Variants in NRG1 observed in about 807,000 individuals in gnomAD.
NRG1 encodes the protein pro-neuregulin-1, membrane-bound isoform.
Under a neutral mutation model 63.8 loss-of-function variants are expected in NRG1, and 18 were observed. The ratio of observed to expected loss-of-function variants is 0.28; its 90% confidence interval spans 0.19 to 0.42. The LOEUF is 0.42. Ranked by LOEUF, NRG1 falls within the 10% of genes least tolerant of loss-of-function variation. NRG1 has a pLI of 1.00. For synonymous variants in NRG1, 302 were observed against 301.3 expected (o/e 1.00, Z -0.02); for missense variants, 762 against 814.7 (o/e 0.94, Z 0.79).
intron 1 of NRG1, among the ~76,000 whole-genome samples, chr8:31,675,427 G>T (rs560354277): frequency 1.7e-4 from 26 of 152,260 alleles, no homozygotes; most frequent in Non-Finnish European, 1.2e-4. Context: ...CTTTACTGAG[G>T]GCTGATATAC....
intron 1 of NRG1, among the ~76,000 whole-genome samples, chr8:31,700,270 G>A (rs2131184306): frequency 6.6e-6 from 1 of 152,144 alleles, no homozygotes; most frequent in South Asian, 2.1e-4. Flanking sequence ...TGAAGTGGAG[G>A]GGAATCCTGA....
chr8:31,776,746 C>T (rs376175760), intron 1 of NRG1, among the ~76,000 whole-genome samples: 31 of 152,086 alleles, frequency 2.0e-4, no homozygotes, highest in African/African-American at 5.8e-4. Context: ...TGTCCATGTG[C>T]TCTCATTGTT....
chr8:32,178,020 G>C lies in NRG1; in HGVS notation c.38-417808G>C, dbSNP rs375065001. The stretch of plus-strand genomic sequence containing the variant: ...CTGGAATTGTAATCTGAAGAATGAG[G>C]GTTATTCATCAGGAAAAGAGGGCAA... On this transcript the variant is annotated intron_variant, in intron 1 of 10. Coordinates refer to the NRG1 transcript ENST00000519301. Among the ~76,000 whole-genome samples the C allele has an allele frequency of 2.6e-5, 4 of 151,920 alleles. No individual in the cohort carries two copies. The East Asian group carries it at 7.7e-4, about 29-fold the overall frequency.
intron 1 of NRG1, among the ~76,000 whole-genome samples, chr8:32,426,101 T>C (rs1817332958): frequency 6.6e-6 from 1 of 152,194 alleles, no homozygotes; most frequent in Non-Finnish European, 1.5e-5. Context: ...ATTGGTCCCA[T>C]ATTGAGAAAG....
At position 32,548,378 on chromosome 8, in the gene NRG1, G is replaced by A. The variant is rs774238307; in HGVS notation, c.-349G>A. ...AGCGGCGGCGGCTGCCGGACGATGG[G>A]AGCGTGAGCAGGACGGTGATAACCT... On this transcript the variant is annotated 5_prime_UTR_variant, in exon 1 of 12. Coordinates refer to ENST00000356819, the Ensembl canonical transcript of NRG1. The A allele has an allele frequency of 1.0e-3, 1,076 of 1,040,840 alleles. 3 individuals are homozygous for A. The highest frequency in any genetic ancestry group is 1.2e-3 in the Non-Finnish European group (1,023 of 866,346). 64.5% of individuals were successfully genotyped at this position (1,040,840 alleles called of 1,614,324 possible). A position where few individuals can be genotyped will look rare whatever the true frequency, so the allele number is the denominator to read the frequency against.
chr8:31,773,727 A>T (rs1818850859), intron 1 of NRG1, among the ~76,000 whole-genome samples: 1 of 152,160 alleles, frequency 6.6e-6, no homozygotes, highest in Non-Finnish European at 1.5e-5. Flanking sequence ...TCCATATATA[A>T]GTCCTTCCTA....
intron 1 of NRG1, among the ~76,000 whole-genome samples, chr8:32,431,690 C>T (rs753474702): frequency 6.6e-6 from 1 of 151,808 alleles, no homozygotes; most frequent in East Asian, 1.9e-4. Context: ...AATATTTTAA[C>T]GATGATTTAA....
At chr8:32,609,738 G>T (rs1156790331) in intron 3 of NRG1, among the ~76,000 whole-genome samples, 1 of 146,014 alleles carries the variant, frequency 6.8e-6, no homozygotes, top group Non-Finnish European at 1.5e-5. Context: ...CTCGGCCACT[G>T]CACTGGATTC....
At chr8:31,964,354 G>C (rs1805970269) in intron 1 of NRG1, among the ~76,000 whole-genome samples, 1 of 152,190 alleles carries the variant, frequency 6.6e-6, no homozygotes, top group Admixed American at 6.5e-5. Context: ...AAGCAAGCTG[G>C]CAATATCAGA....
At chr8:32,223,468 G>C (rs1327219189) in intron 1 of NRG1, among the ~76,000 whole-genome samples, 1 of 152,080 alleles carries the variant, frequency 6.6e-6, no homozygotes, top group East Asian at 1.9e-4. Context: ...CTATGACCTT[G>C]GGTAAGTCAT....
intron 1 of NRG1, among the ~76,000 whole-genome samples, chr8:31,893,890 A>G (rs78885437): frequency 0.012 from 1,853 of 152,176 alleles, 44 homozygotes; most frequent in African/African-American, 0.043. Flanking sequence ...ACTTTATTTC[A>G]ATGTTATTTA....
intron 1 of NRG1, among the ~76,000 whole-genome samples, chr8:31,984,542 A>G (rs1165417551): frequency 6.6e-6 from 1 of 152,088 alleles, no homozygotes; most frequent in Non-Finnish European, 1.5e-5. Context: ...GAAATGAGGA[A>G]CTGCTAGGTT....
At chr8:32,263,779 T>C (rs576594156) in intron 1 of NRG1, among the ~76,000 whole-genome samples, 1 of 152,302 alleles carries the variant, frequency 6.6e-6, no homozygotes, top group Non-Finnish European at 1.5e-5. Context: ...CCAGCAGCTG[T>C]TTCTTAATTC....
chr8:32,106,919 G>C lies in NRG1; in HGVS notation c.37+467488G>C, dbSNP rs1831341141. ...TCTTATTAAAATTTAGTTACATGTT[G>C]TGTTTAAAATGCTAAAGTTTTGGCC... On this transcript the variant is annotated intron_variant, in intron 1 of 10. Coordinates refer to the NRG1 transcript ENST00000519301. 6.6e-5 allele frequency among the ~76,000 whole-genome samples: 10 copies of C among 152,242 alleles called. No individual in the cohort carries two copies. In the South Asian group the frequency reaches 2.1e-3, roughly 32 times the overall value.
intron 1 of NRG1, among the ~76,000 whole-genome samples, chr8:31,652,708 A>G (rs908155278): frequency 6.6e-6 from 1 of 152,224 alleles, no homozygotes; most frequent in Admixed American, 6.5e-5. Flanking sequence ...ATAACACTGG[A>G]TAGCCCTATA....
chr8:31,748,200 T>G (rs1032410677), intron 1 of NRG1, among the ~76,000 whole-genome samples: 2 of 152,002 alleles, frequency 1.3e-5, no homozygotes, highest in Admixed American at 1.3e-4. Context: ...AGATGAAATG[T>G]TTTTCTCCAA....
chr8:32,102,723 G>A (rs1272591131), intron 1 of NRG1, among the ~76,000 whole-genome samples: 1 of 152,118 alleles, frequency 6.6e-6, no homozygotes, highest in Non-Finnish European at 1.5e-5. Flanking sequence ...ACAGGACCTG[G>A]ATTCAAGCCC....
chr8:32,517,985 G>T (rs976392244), intron 1 of NRG1, among the ~76,000 whole-genome samples: 1 of 152,058 alleles, frequency 6.6e-6, no homozygotes, highest in Non-Finnish European at 1.5e-5. Flanking sequence ...GGAAAATGGG[G>T]CTCAGAGCAG....
chr8:32,306,591 A>G (rs1856209893), intron 1 of NRG1, among the ~76,000 whole-genome samples: 1 of 152,182 alleles, frequency 6.6e-6, no homozygotes, highest in Non-Finnish European at 1.5e-5. Context: ...TATGACTGCA[A>G]ATACATTATA....
Sources: gnomAD v4.1 joint callset for allele counts (sites outside exome capture counted in the v4.1 genomes callset) on GRCh38, gnomAD v4.1.1 for gene constraint, MANE v1.5 for transcripts, NCBI Gene and HGNC (gene_info 2026-07-23, HGNC 2026-07-21) for gene names.